CSMD1: variants seen among roughly 807,000 people sequenced by gnomAD.
CSMD1 encodes the protein CUB and sushi domain-containing protein 1.
In CSMD1, 213 loss-of-function variants were observed where a neutral mutation model predicts 417.5. The observed-to-expected ratio is 0.51, with a 90% CI of 0.46 to 0.57. The LOEUF is 0.57. CSMD1 is among the 20% of genes least tolerant of loss of function. The probability of loss-of-function intolerance (pLI) is 0.00; values close to 1 mark genes in which losing one functional copy is unlikely to be tolerated. For missense variants in CSMD1, 6,923 were observed against 4,529.7 expected (o/e 1.53, Z -15.17); for synonymous variants, 2,862 against 1,736.8 (o/e 1.65, Z -16.11).
rs527750383 is a variant in CSMD1 at position 3,273,939 on chromosome 8, C to T, written c.4153+10205G>A. 2.6e-5 allele frequency among the ~76,000 whole-genome samples: 4 copies of T among 151,996 alleles called. No individual in the cohort carries two copies. In the East Asian group the frequency reaches 7.7e-4, roughly 29 times the overall value. On this transcript the variant is annotated intron_variant, in intron 26 of 69. Coordinates refer to ENST00000635120, the MANE Select transcript of CSMD1 (RefSeq NM_033225.6). ...TGTCTCTATTTCCTTCAGTTCTACTCTGATTTTAGTTATTTCTTGCCTTCT... is the reference window on the plus strand; with the variant it reads ...TGTCTCTATTTCCTTCAGTTCTACTTTGATTTTAGTTATTTCTTGCCTTCT...
intron 5 of CSMD1, among the ~76,000 whole-genome samples, chr8:3,973,141 T>A (rs760703555): frequency 6.6e-6 from 1 of 152,228 alleles, no homozygotes; most frequent in Non-Finnish European, 1.5e-5. Context: ...AAAATAAAAT[T>A]CTAACGAATC....
Position 2,950,322 on chromosome 8 carries a change from GCCT to G in CSMD1, c.10220_10222del (p.Glu3407del). On this transcript the variant is annotated inframe_deletion, in exon 67 of 70. Coordinates refer to ENST00000635120, the MANE Select transcript of CSMD1 (RefSeq NM_033225.6). ...TTGAAAAGCTTTCAGGAGTAAGTGG[GCCT>G]CCTCCTTCTTGTAAATGCCTGTGAA... 1.2e-6 allele frequency: 2 copies of G among 1,612,588 alleles called. No individual in the cohort carries two copies. The highest frequency in any genetic ancestry group is 1.7e-6 in the Non-Finnish European group (2 of 1,178,674).
rs78881182 is a variant in CSMD1, at chr8:3,518,087, T to C, written c.1345-24361A>G. 4.5e-3 allele frequency among the ~76,000 whole-genome samples: 692 copies of C among 152,146 alleles called. 4 individuals are homozygous for C. The highest frequency in any genetic ancestry group is 0.015 in the African/African-American group (632 of 41,464). On this transcript the variant is annotated intron_variant, in intron 10 of 69. Coordinates refer to ENST00000635120, the MANE Select transcript of CSMD1 (RefSeq NM_033225.6). ...TGTTTAGAAAATGTGATTATAACTA[T>C]AAAACAATATGACTATAGATTATAA...
intron 3 of CSMD1, among the ~76,000 whole-genome samples, chr8:4,278,702 A>G (rs1255496350): frequency 6.6e-6 from 1 of 152,232 alleles, no homozygotes; most frequent in Non-Finnish European, 1.5e-5. Context: ...AATGGCTAAC[A>G]AAACCAGCTT....
chr8:3,415,934 A>G (rs1585131787), intron 12 of CSMD1, among the ~76,000 whole-genome samples: 1 of 152,108 alleles, frequency 6.6e-6, no homozygotes, highest in South Asian at 2.1e-4. Context: ...TGCATATGAT[A>G]TTTAATTTTT....
At chr8:4,073,133 A>G (rs1282929424) in intron 3 of CSMD1, among the ~76,000 whole-genome samples, 3 of 152,188 alleles carry the variant, frequency 2.0e-5, no homozygotes, top group African/African-American at 7.2e-5. Flanking sequence ...AAATTGGCAG[A>G]ACATGAAAAC....
At chr8:3,913,570 G>A (rs115102692) in intron 5 of CSMD1, among the ~76,000 whole-genome samples, 184 of 152,274 alleles carry the variant, frequency 1.2e-3, no homozygotes, top group African/African-American at 4.2e-3. Flanking sequence ...AAAGAATACG[G>A]TCAGTGAGTT....
intron 2 of CSMD1, among the ~76,000 whole-genome samples, chr8:4,625,302 G>A (rs568459632): frequency 2.6e-5 from 4 of 152,086 alleles, no homozygotes; most frequent in Non-Finnish European, 5.9e-5. Flanking sequence ...AAGAGTGATG[G>A]AAGTTGAGGA....
At chr8:3,315,355 T>C (rs1259104006) in intron 23 of CSMD1, among the ~76,000 whole-genome samples, 1 of 152,118 alleles carries the variant, frequency 6.6e-6, no homozygotes, top group Non-Finnish European at 1.5e-5. Context: ...CTGAAATGTG[T>C]GATTATTTCC....
At chr8:3,473,806 T>C (rs929966320) in intron 11 of CSMD1, among the ~76,000 whole-genome samples, 2 of 152,156 alleles carry the variant, frequency 1.3e-5, no homozygotes, top group African/African-American at 2.4e-5. Context: ...ACCTAGAGAC[T>C]GGGTAATTTA....
chr8:3,796,746 T>C lies in CSMD1; in HGVS notation c.819-42704A>G, dbSNP rs942207349. 2.0e-5 allele frequency among the ~76,000 whole-genome samples: 3 copies of C among 151,274 alleles called. 1 individual carries two copies. The highest frequency in any genetic ancestry group is 2.0e-4 in the Admixed American group (3 of 15,132). The stretch of plus-strand genomic sequence containing the variant: ...CTATATGTCACCTTGTTATAGGTGG[T>C]TGCAATTATACAAAATATTCTGATC... On this transcript the variant is annotated intron_variant, in intron 5 of 69. Coordinates refer to ENST00000635120, the MANE Select transcript of CSMD1 (RefSeq NM_033225.6).
chr8:3,811,229 G>A (rs1276082971), intron 5 of CSMD1, among the ~76,000 whole-genome samples: 3 of 152,146 alleles, frequency 2.0e-5, no homozygotes, highest in Non-Finnish European at 4.4e-5. Context: ...CTGTGAGTAT[G>A]AAACACCCAA....
intron 3 of CSMD1, among the ~76,000 whole-genome samples, chr8:4,119,475 T>C (rs559376228): frequency 3.2e-4 from 48 of 152,248 alleles, no homozygotes; most frequent in African/African-American, 1.1e-3. Flanking sequence ...CGAAAACCCA[T>C]TGGTTAAACT....
intron 10 of CSMD1, among the ~76,000 whole-genome samples, chr8:3,525,825 A>G (rs1166793378): frequency 2.0e-5 from 3 of 152,010 alleles, no homozygotes; most frequent in East Asian, 1.9e-4. Context: ...ACACACGGAA[A>G]AAATCAATAG....
chr8:3,078,551 A>C (rs1206951887), intron 49 of CSMD1, among the ~76,000 whole-genome samples: 1 of 152,242 alleles, frequency 6.6e-6, no homozygotes, highest in South Asian at 2.1e-4. Context: ...GGGTTGGCAG[A>C]CTATGGCCTG....
At chr8:3,695,459 C>G (rs530270469) in intron 7 of CSMD1, among the ~76,000 whole-genome samples, 1 of 152,174 alleles carries the variant, frequency 6.6e-6, no homozygotes, top group Admixed American at 6.5e-5. Context: ...AATATAAAAT[C>G]ATGAGAAATA....
chr8:4,418,180 A>G (rs564632573), intron 3 of CSMD1, among the ~76,000 whole-genome samples: 3 of 152,184 alleles, frequency 2.0e-5, no homozygotes, highest in South Asian at 2.1e-4. Flanking sequence ...ACATCAGACT[A>G]TAATATCACC....
intron 50 of CSMD1, among the ~76,000 whole-genome samples, chr8:3,050,228 C>G (rs1197959612): frequency 4.0e-5 from 6 of 151,572 alleles, no homozygotes; most frequent in African/African-American, 7.3e-5. Flanking sequence ...AGTGCATACC[C>G]AGTAGAGAAC....
At chr8:3,590,509 C>G (rs1182709399) in intron 8 of CSMD1, among the ~76,000 whole-genome samples, 1 of 152,120 alleles carries the variant, frequency 6.6e-6, no homozygotes, top group Admixed American at 6.5e-5. Context: ...CAATCATCAC[C>G]TGGTATCACA....
Sources: allele counts gnomAD v4.1 joint callset (sites outside exome capture counted in the v4.1 genomes callset), GRCh38; gene constraint gnomAD v4.1.1; transcripts MANE v1.5; gene names NCBI Gene and HGNC (gene_info 2026-07-23, HGNC 2026-07-21).